EVC2: variants seen among roughly 807,000 people sequenced by gnomAD.
The protein encoded by EVC2 is limbin.
In EVC2, 148 loss-of-function variants were observed where a neutral mutation model predicts 149.3. The ratio of observed to expected loss-of-function variants is 0.99; its 90% confidence interval spans 0.87 to 1.14. The LOEUF (loss-of-function observed/expected upper bound fraction) is 1.14, where lower values mean the gene tolerates loss of function less well. Among genes scored for constraint, EVC2 ranks in the 50% most tolerant of loss-of-function variants. EVC2 has a pLI of 0.00. For synonymous variants in EVC2, 776 were observed against 649.9 expected, an observed-to-expected ratio of 1.19 and a Z score of -2.95; for missense variants, 1,854 against 1,627.3, an observed-to-expected ratio of 1.14 and a Z score of -2.40.
chr4:5,533,645 A>G, the EVC2 span, among the ~76,000 whole-genome samples: 39 of 152,162 alleles, frequency 2.6e-4, no homozygotes, highest in Admixed American at 2.0e-4. Context: ...CTAGCTGTGG[A>G]TAAGAGCTTG....
Position 5,618,657 on chromosome 4 carries a change from G to C in EVC2, c.2527C>G (p.Leu843Val), listed in dbSNP as rs1299564230. The change falls in exon 15 of 22, where the codon CTG becomes GTG. Residue 843 changes from leucine (L) to valine (V), a missense_variant. Transcript: ENST00000344408. This position sits in a 1 kb window ranked among gnomAD's most constrained non-coding sequence, Gnocchi z 4.4. ...ATCCTGAGCAGCTCCTCTTCAGACA[G>C]GGAGAAGACTGAGGAGCAGAGCTTC... is the stretch of plus-strand genomic sequence containing the variant. ...FMKLCSSVFSLSEEELLRMRQ... is the reference protein window; with the variant it reads ...FMKLCSSVFSVSEEELLRMRQ... 1.2e-6 allele frequency: 2 copies of C among 1,607,400 alleles called. No homozygotes were observed. Among genetic ancestry groups the C allele is most frequent in the Non-Finnish European group, 1.7e-6 (2 of 1,176,836 alleles).
rs531490603 is a variant in EVC2, at chr4:5,589,422, G to T, written c.2830-4572C>A. 2.6e-5 allele frequency among the ~76,000 whole-genome samples: 4 copies of T among 152,304 alleles called. No individual in the cohort carries two copies. In the South Asian group the frequency reaches 8.3e-4, roughly 32 times the overall value. On this transcript the variant is annotated intron_variant, in intron 16 of 21. Coordinates refer to ENST00000344408, the MANE Select transcript of EVC2 (RefSeq NM_147127.5). ...TTTTCTTCCATGGAAGTGCTGCGCA[G>T]GTCTCAGCAGAATACTCAAGAGGAC...
Position 5,665,599 on chromosome 4 carries a change from G to A in EVC2, c.921C>T (p.Leu307=), listed in dbSNP as rs1243167455. The A allele has an allele frequency of 1.9e-6, 3 of 1,614,110 alleles. No homozygotes were observed. The highest frequency in any genetic ancestry group is 4.5e-5 in the East Asian group (2 of 44,892). ...LHAAGFFIAF[L]LSLVLTWAAL... ...CAGCCCAGGTCAGCACAAGGGAGAG[G>A]AGGAAGGCAATGAAGAACCCTGCTG... The change falls in exon 8 of 22, where the codon CTC becomes CTT. Residue 307 remains leucine (L), a synonymous_variant. Coordinates refer to ENST00000344408, the MANE Select transcript of EVC2 (RefSeq NM_147127.5).
intron 21 of EVC2, among the ~76,000 whole-genome samples, chr4:5,555,629 G>GA (rs1470116464): frequency 1.3e-5 from 2 of 151,972 alleles, no homozygotes; most frequent in Non-Finnish European, 2.9e-5. Context: ...GAACTGCAAG[G>GA]AAAAATATAC....
rs993124268 is a variant in EVC2 at position 5,569,758 on chromosome 4, AG to A, written c.3361-1119del. On this transcript the variant is annotated intron_variant, in intron 19 of 21. Coordinates refer to ENST00000344408, the MANE Select transcript of EVC2 (RefSeq NM_147127.5). The surrounding 1 kb of genome is among the most constrained non-coding windows in gnomAD (Gnocchi z 4.8). Reference sequence around the variant, plus strand: ...CAGAGAGGTCAGGAGACACAAACACAGGGACTCGACCCCTTGGAAACATGGG... The same window carrying A: ...CAGAGAGGTCAGGAGACACAAACACAGGACTCGACCCCTTGGAAACATGGG... Among the ~76,000 whole-genome samples, 3 of 152,010 alleles carry A rather than the reference AG, an allele frequency of 2.0e-5. No homozygotes were observed. The highest frequency in any genetic ancestry group is 4.8e-5 in the African/African-American group (2 of 41,366).
intron 21 of EVC2, among the ~76,000 whole-genome samples, chr4:5,554,324 C>T (rs963885270): frequency 4.6e-5 from 7 of 152,132 alleles, no homozygotes; most frequent in African/African-American, 1.7e-4. Flanking sequence ...AGTAAGAAAC[C>T]TTCATGGTCA....
intron 9 of EVC2, among the ~76,000 whole-genome samples, chr4:5,660,601 G>A (rs1252850942): frequency 6.6e-6 from 1 of 152,134 alleles, no homozygotes; most frequent in South Asian, 2.1e-4. Flanking sequence ...AAGACTCAAG[G>A]AAGGGCTACT....
chr4:5,580,593 C>T (rs1711670722), intron 17 of EVC2, among the ~76,000 whole-genome samples: 2 of 152,180 alleles, frequency 1.3e-5, no homozygotes, highest in Non-Finnish European at 2.9e-5. Context: ...CCTGGTGTCT[C>T]ACTCTGCCCC....
rs1248805801 is a variant in EVC2 at position 5,665,495 on chromosome 4, C to T, written c.1005+20G>A. The T allele has an allele frequency of 6.2e-7, 1 of 1,613,948 alleles. No homozygotes were observed. Reference sequence around the variant, plus strand: ...ACCTCACATTCACCACCTTCCAAACCACCCTCAGGGAAGACTCACCCGATG... The same window carrying T: ...ACCTCACATTCACCACCTTCCAAACTACCCTCAGGGAAGACTCACCCGATG... On this transcript the variant is annotated intron_variant, in intron 8 of 21. Transcript: ENST00000344408.
In EVC2 at chr4:5,665,906, G is replaced by A. The variant is rs78601416; in HGVS notation, c.871-257C>T. Among the ~76,000 whole-genome samples the A allele has an allele frequency of 9.4e-3, 1,424 of 152,158 alleles. 89 individuals are homozygous for A. In the East Asian group the frequency reaches 0.19, roughly 20 times the overall value. ...TTGCACACAATAGCACCATCCAGCC[G>A]CACGCCTAGCACATCACAGACACTC... On this transcript the variant is annotated intron_variant, in intron 7 of 21. Coordinates refer to ENST00000344408, the MANE Select transcript of EVC2 (RefSeq NM_147127.5).
chr4:5,530,004 C>G, the EVC2 span, among the ~76,000 whole-genome samples: 1 of 151,988 alleles, frequency 6.6e-6, no homozygotes, highest in African/African-American at 2.4e-5. Flanking sequence ...TTAGTAGAGA[C>G]GGGATTTCGC....
chr4:5,565,131 C>A, intron 21 of EVC2, 127 bp downstream of exon 21: 1 of 861,538 alleles, frequency 1.2e-6, no homozygotes, highest in Non-Finnish European at 2.0e-6. Context: ...TTGTGGTCTT[C>A]AGGGTCACAA....
intron 6 of EVC2, among the ~76,000 whole-genome samples, chr4:5,685,163 T>C (rs1220061553): frequency 2.0e-5 from 3 of 152,152 alleles, no homozygotes; most frequent in Non-Finnish European, 4.4e-5. Flanking sequence ...AGGGGTTAAG[T>C]AACTTAGGCA....
rs768312867 is a variant in EVC2 at position 5,568,587 on chromosome 4, C to T, written c.3414G>A (p.Thr1138=). 54 of 1,608,464 alleles carry T rather than the reference C, an allele frequency of 3.4e-5. No homozygotes were observed. In the East Asian group the frequency reaches 4.2e-4, roughly 13 times the overall value. ...GTACCACACTCAGGAGCCGGCGAAGCGTGGCCCCGGGCACCATGGCCATCC... is the reference window on the plus strand; with the variant it reads ...GTACCACACTCAGGAGCCGGCGAAGTGTGGCCCCGGGCACCATGGCCATCC... ...LARMAMVPGA[T]LRRLLSVVLP... Residue 1138 remains threonine, a synonymous_variant, in exon 20 of 22, where the codon ACG becomes ACA. Coordinates refer to ENST00000344408, the MANE Select transcript of EVC2 (RefSeq NM_147127.5).
At chr4:5,684,769 G>T (rs908105070) in intron 6 of EVC2, among the ~76,000 whole-genome samples, 21 of 152,184 alleles carry the variant, frequency 1.4e-4, no homozygotes, top group Non-Finnish European at 2.8e-4. Flanking sequence ...TGGAGACAGG[G>T]TCTTTACAGA....
At position 5,708,489 on chromosome 4, in the gene EVC2, G is replaced by GC; in HGVS notation, c.24dup (p.Arg9AlafsTer47). ...CCCCCGGCCAGCACCCACGTGGGGC[G>GC]CCCCCGGGAGCCCGAGGGGTCCATC... On this transcript the variant is annotated frameshift_variant, in exon 1 of 22. Transcript: ENST00000344408. LOFTEE classifies it high-confidence loss of function. The GC allele has an allele frequency of 6.8e-7, 1 of 1,480,278 alleles. No individual in the cohort carries two copies. 91.7% of individuals were successfully genotyped at this position (1,480,278 alleles called of 1,614,324 possible).
Position 5,569,442 on chromosome 4 carries a change from T to G in EVC2, c.3361-802A>C, listed in dbSNP as rs1429263837. The stretch of plus-strand genomic sequence containing the variant: ...ACCATTGGGGAAAATTGAGTGAAAC[T>G]CTCTGAAACTCTATACTAGCTTTGT... On this transcript the variant is annotated intron_variant, in intron 19 of 21. Transcript: ENST00000344408. The surrounding 1 kb of genome is among the most constrained non-coding windows in gnomAD (Gnocchi z 4.8). Among the ~76,000 whole-genome samples the G allele has an allele frequency of 1.3e-5, 2 of 152,202 alleles. No homozygotes were observed. Among genetic ancestry groups the G allele is most frequent in the Non-Finnish European group, 2.9e-5 (2 of 68,040 alleles).
At position 5,617,766 on chromosome 4, in the gene EVC2, T is replaced by C. The variant is rs541383889; in HGVS notation, c.2706+712A>G. Among the ~76,000 whole-genome samples the C allele has an allele frequency of 5.3e-5, 8 of 152,214 alleles. No individual in the cohort carries two copies. The East Asian group carries it at 7.7e-4, about 15-fold the overall frequency. ...ACAGAAGTTCGAAGGCCTTATCTTA[T>C]GTTGGGAGCCCCAGAAGCGGAGCCT... On this transcript the variant is annotated intron_variant, in intron 15 of 21. Coordinates refer to ENST00000344408, the MANE Select transcript of EVC2 (RefSeq NM_147127.5).
In EVC2 at chr4:5,637,440, G is replaced by C. The variant is rs1403317621; in HGVS notation, c.1470+3074C>G. On this transcript the variant is annotated intron_variant, in intron 10 of 21. Transcript: ENST00000344408. The surrounding 1 kb of genome is among the most constrained non-coding windows in gnomAD (Gnocchi z 4.4). ...TCAGTCCCTACCTCACTGAGTTGTTGTGAACGCTAAAGAGAGTCAATGGGA... is the reference window on the plus strand; with the variant it reads ...TCAGTCCCTACCTCACTGAGTTGTTCTGAACGCTAAAGAGAGTCAATGGGA... 2.0e-5 allele frequency among the ~76,000 whole-genome samples: 3 copies of C among 152,148 alleles called. No individual in the cohort carries two copies. Among genetic ancestry groups the C allele is most frequent in the East Asian group, 3.9e-4 (2 of 5,192 alleles).
Sources: allele counts gnomAD v4.1 joint callset (sites outside exome capture counted in the v4.1 genomes callset), GRCh38; gene constraint gnomAD v4.1.1; non-coding constraint Gnocchi (gnomAD v3.1); transcripts MANE v1.5; gene names NCBI Gene and HGNC (gene_info 2026-07-23, HGNC 2026-07-21).